The following GSE1 variants were observed in gnomAD, a reference collection of about 807,000 sequenced individuals.
GSE1 encodes the protein genetic suppressor element 1.
In GSE1, 32 loss-of-function variants were observed where a neutral mutation model predicts 112.6. The ratio of observed to expected loss-of-function variants is 0.28; its 90% CI spans 0.21 to 0.38. The LOEUF is 0.38. Among genes scored for constraint, GSE1 ranks in the 10% least tolerant of loss-of-function variants. The probability of loss-of-function intolerance (pLI) is 1.00; values close to 1 mark genes in which losing one functional copy is unlikely to be tolerated. For missense variants in GSE1, 2,348 were observed against 1,699.2 expected, an observed-to-expected ratio of 1.38 and a Z score of -6.71; for synonymous variants, 1,115 against 735.6, an observed-to-expected ratio of 1.52 and a Z score of -8.35.
At chr16:85,496,948 G>T (rs1361335707) in intron 2 of GSE1, among the ~76,000 whole-genome samples, 1 of 151,148 alleles carries the variant, frequency 6.6e-6, no homozygotes, top group Non-Finnish European at 1.5e-5. Flanking sequence ...ATCCAGGCTG[G>T]AGTGCAGTGG....
intron 1 of GSE1, among the ~76,000 whole-genome samples, chr16:85,216,217 A>C (rs980565397): frequency 6.6e-6 from 1 of 152,250 alleles, no homozygotes; most frequent in African/African-American, 2.4e-5. Flanking sequence ...CATATTGGGC[A>C]ACATAGTGAG....
chr16:85,544,024 G>A (rs2044614280), intron 2 of GSE1, among the ~76,000 whole-genome samples: 2 of 152,226 alleles, frequency 1.3e-5, no homozygotes, highest in South Asian at 4.2e-4. Flanking sequence ...TTGTAGAGAT[G>A]GGTTTTCGCC....
intron 1 of GSE1, among the ~76,000 whole-genome samples, chr16:85,212,791 G>C (rs1224836763): frequency 6.6e-6 from 1 of 152,020 alleles, no homozygotes; most frequent in Admixed American, 6.5e-5. Context: ...TAGGAAGAGG[G>C]GGCGTCTGTG....
Position 85,661,507 on chromosome 16 carries a change from C to A in GSE1, c.2002C>A (p.Leu668Met). The change falls in exon 9 of 16, where the codon CTG becomes ATG. Residue 668 changes from leucine to methionine, a missense_variant. Transcript: ENST00000253458. Reference protein sequence around the residue: ...EGGSLEHQPFLPGPGPFLAEL... With the variant: ...EGGSLEHQPFMPGPGPFLAEL... ...AGGGAGCCTGGAGCACCAGCCCTTCCTGCCCGGGCCCGGGCCCTTCCTGGC... is the reference window on the plus strand; with the variant it reads ...AGGGAGCCTGGAGCACCAGCCCTTCATGCCCGGGCCCGGGCCCTTCCTGGC... 1.2e-6 allele frequency: 2 copies of A among 1,611,704 alleles called. No individual in the cohort carries two copies. The highest frequency in any genetic ancestry group is 8.5e-7 in the Non-Finnish European group (1 of 1,179,462).
intron 2 of GSE1, among the ~76,000 whole-genome samples, chr16:85,482,502 C>CA (rs2050711739): frequency 6.7e-6 from 1 of 148,462 alleles, no homozygotes; most frequent in Non-Finnish European, 1.5e-5. Context: ...GACTCAGTTC[C>CA]CCCCCCAAAT....
intron 2 of GSE1, among the ~76,000 whole-genome samples, chr16:85,480,154 T>G (rs1370216058): frequency 6.6e-6 from 1 of 152,016 alleles, no homozygotes; most frequent in Non-Finnish European, 1.5e-5. Context: ...AGAGGTGAAG[T>G]AAGGAGCCAG....
intron 1 of GSE1, among the ~76,000 whole-genome samples, chr16:85,336,993 G>T (rs1207336465): frequency 2.6e-4 from 10 of 38,750 alleles, no homozygotes; most frequent in Non-Finnish European, 5.2e-4. Flanking sequence ...CACACACACA[G>T]ACATGTACAC....
At chr16:85,575,691 C>G (rs2046201388) in intron 1 of GSE1, among the ~76,000 whole-genome samples, 1 of 152,098 alleles carries the variant, frequency 6.6e-6, no homozygotes, top group South Asian at 2.1e-4. Context: ...CTGTAACTAA[C>G]AGCTGGCATC....
chr16:85,617,592 AC>A (rs1265736888), intron 1 of GSE1, among the ~76,000 whole-genome samples: 1 of 80,008 alleles, frequency 1.2e-5, no homozygotes, highest in Non-Finnish European at 2.5e-5. Flanking sequence ...CCGTGTGTCA[AC>A]CCTCCCCCCC....
At chr16:85,633,819 G>GCCT in intron 1 of GSE1, 95 bp from the exon 2 acceptor site, 1 of 921,880 alleles carries the variant, frequency 1.1e-6, no homozygotes, top group Non-Finnish European at 1.7e-6. Flanking sequence ...CCTGCTCCCT[G>GCCT]CCTGCTGCTG....
chr16:85,540,138 A>G (rs908726358), intron 2 of GSE1, among the ~76,000 whole-genome samples: 4 of 152,082 alleles, frequency 2.6e-5, no homozygotes, highest in Non-Finnish European at 5.9e-5. Flanking sequence ...TTGCCTGGTT[A>G]TTTTTGATTG....
chr16:85,444,704 C>T (rs1431279963), intron 2 of GSE1, among the ~76,000 whole-genome samples: 1 of 151,792 alleles, frequency 6.6e-6, no homozygotes, highest in African/African-American at 2.4e-5. Context: ...TATAGCCGGG[C>T]TCCGTGTTGC....
intron 2 of GSE1, among the ~76,000 whole-genome samples, chr16:85,530,534 C>G (rs958714598): frequency 6.6e-6 from 1 of 152,280 alleles, no homozygotes; most frequent in African/African-American, 2.4e-5. Flanking sequence ...GAGCTATTCC[C>G]TAGAGAAATC....
At chr16:85,652,368 A>G (rs747902922) in intron 3 of GSE1, among the ~76,000 whole-genome samples, 3 of 152,188 alleles carry the variant, frequency 2.0e-5, no homozygotes, top group Non-Finnish European at 2.9e-5. Context: ...TGGCTCCTCA[A>G]TAGGAAGTTC....
intron 2 of GSE1, among the ~76,000 whole-genome samples, chr16:85,380,497 A>T (rs2047521488): frequency 1.0e-5 from 1 of 97,570 alleles, no homozygotes; most frequent in Non-Finnish European, 2.5e-5. Context: ...GGGTGAGGCA[A>T]GGTGGGAGGA....
At chr16:85,648,450 C>G (rs1224197405) in intron 2 of GSE1, 102 bp from the exon 3 acceptor site, 3 of 635,662 alleles carry the variant, frequency 4.7e-6, no homozygotes, top group South Asian at 2.0e-5. Flanking sequence ...GGTCTGGGGC[C>G]TCACTTGGAG....
At chr16:85,202,082 C>T (rs144316127) in intron 1 of GSE1, among the ~76,000 whole-genome samples, 4 of 152,304 alleles carry the variant, frequency 2.6e-5, no homozygotes, top group Non-Finnish European at 2.9e-5. Flanking sequence ...GCTGAGCTGG[C>T]GGAAGGTGGT....
At chr16:85,557,281 A>G (rs921317513) in intron 1 of GSE1, among the ~76,000 whole-genome samples, 17 of 152,152 alleles carry the variant, frequency 1.1e-4, no homozygotes, top group African/African-American at 2.4e-5. Context: ...CACGTGACGC[A>G]GGTCAGGAAG....
At chr16:85,469,320 AAC>A (rs1050053100) in intron 2 of GSE1, among the ~76,000 whole-genome samples, 28 of 152,032 alleles carry the variant, frequency 1.8e-4, no homozygotes, top group African/African-American at 6.3e-4. Flanking sequence ...AAGAGGAGAA[AAC>A]ACAGACACAG....
Sources: allele counts gnomAD v4.1 joint callset (sites outside exome capture counted in the v4.1 genomes callset), GRCh38; gene constraint gnomAD v4.1.1; transcripts MANE v1.5; gene names NCBI Gene and HGNC (gene_info 2026-07-23, HGNC 2026-07-21).